The following PCDH15 variants were observed in gnomAD, a reference collection of about 807,000 sequenced individuals.
The protein encoded by PCDH15 is protocadherin-15.
In PCDH15, 129 loss-of-function variants were observed where a neutral mutation model predicts 178.5. That is an observed-to-expected ratio of 0.72 (90% confidence interval 0.63 to 0.84). The LOEUF is 0.84. Among genes scored for constraint, PCDH15 ranks in the 40% least tolerant of loss-of-function variants. PCDH15 has a pLI of 0.00. For missense variants in PCDH15, 2,230 were observed against 2,099.9 expected, an observed-to-expected ratio of 1.06 and a Z score of -1.21; for synonymous variants, 800 against 732.0, an observed-to-expected ratio of 1.09 and a Z score of -1.50.
intron 3 of PCDH15, among the ~76,000 whole-genome samples, chr10:54,385,032 G>T (rs1172755536): frequency 2.0e-5 from 3 of 152,078 alleles, no homozygotes; most frequent in African/African-American, 7.2e-5. Context: ...CATTTTTTGA[G>T]TTTCTGGTTG....
intron 2 of PCDH15, among the ~76,000 whole-genome samples, chr10:55,146,392 T>C (rs1321685732): frequency 6.6e-6 from 1 of 151,892 alleles, no homozygotes; most frequent in Non-Finnish European, 1.5e-5. Context: ...TAAAACCATC[T>C]TATGAGTCTG....
At chr10:55,569,777 A>C (rs1842371478) in intron 2 of PCDH15, among the ~76,000 whole-genome samples, 1 of 152,036 alleles carries the variant, frequency 6.6e-6, no homozygotes, top group Non-Finnish European at 1.5e-5. Context: ...TATGATATTT[A>C]ATGTAAACTC....
At chr10:55,306,139 C>T (rs1843419785) in intron 1 of PCDH15, among the ~76,000 whole-genome samples, 1 of 152,048 alleles carries the variant, frequency 6.6e-6, no homozygotes, top group Non-Finnish European at 1.5e-5. Flanking sequence ...CTATCAATTT[C>T]CAAAATCAAT....
chr10:55,373,920 A>G (rs1565071130), intron 2 of PCDH15, among the ~76,000 whole-genome samples: 1 of 149,884 alleles, frequency 6.7e-6, no homozygotes, highest in Non-Finnish European at 1.5e-5. Flanking sequence ...GGAGGGGAAC[A>G]TCACACACCG....
intron 2 of PCDH15, among the ~76,000 whole-genome samples, chr10:55,581,150 A>T (rs1842606641): frequency 1.3e-5 from 2 of 152,152 alleles, no homozygotes; most frequent in East Asian, 3.9e-4. Flanking sequence ...CCATATATAG[A>T]GTCAGCAGTG....
At chr10:54,413,871 T>A (rs558222003) in intron 3 of PCDH15, among the ~76,000 whole-genome samples, 2 of 152,144 alleles carry the variant, frequency 1.3e-5, no homozygotes, top group African/African-American at 4.8e-5. Flanking sequence ...CTTAGAAGAA[T>A]GGGAGGGTGG....
At chr10:54,946,983 T>C (rs149361265) in intron 2 of PCDH15, among the ~76,000 whole-genome samples, 38 of 152,060 alleles carry the variant, frequency 2.5e-4, no homozygotes, top group African/African-American at 8.2e-4. Flanking sequence ...CCAAGCTATC[T>C]TCTAAAACAC....
chr10:55,142,115 G>C, intron 2 of PCDH15, among the ~76,000 whole-genome samples: 1 of 152,142 alleles, frequency 6.6e-6, no homozygotes, highest in South Asian at 2.1e-4. Context: ...AGTAATGAAT[G>C]TGAAAGCAAA....
chr10:55,210,632 T>A (rs1313756373), intron 1 of PCDH15, among the ~76,000 whole-genome samples: 1 of 125,842 alleles, frequency 7.9e-6, no homozygotes. Flanking sequence ...TTTTTTTTTT[T>A]TTTTTTTTTT....
intron 3 of PCDH15, among the ~76,000 whole-genome samples, chr10:54,524,559 C>G (rs1046055285): frequency 1.3e-5 from 2 of 152,152 alleles, no homozygotes; most frequent in Non-Finnish European, 2.9e-5. Flanking sequence ...GTAACTGTCC[C>G]CACCTCTCTT....
intron 2 of PCDH15, among the ~76,000 whole-genome samples, chr10:55,548,209 T>TAC (rs1554795825): frequency 4.4e-4 from 51 of 116,094 alleles, no homozygotes; most frequent in Middle Eastern, 9.0e-3. Context: ...AAATGCCTAA[T>TAC]GCACACACAC....
chr10:53,823,576 TGAA>T, intron 32 of PCDH15: 1 of 659,200 alleles, frequency 1.5e-6, no homozygotes, highest in Non-Finnish European at 2.8e-6. Flanking sequence ...GAAATGTAAA[TGAA>T]AAAAAAAGTA....
chr10:54,003,953 G>A (rs2092285170), intron 20 of PCDH15, among the ~76,000 whole-genome samples: 3 of 151,932 alleles, frequency 2.0e-5, no homozygotes, highest in African/African-American at 4.8e-5. Context: ...GACCAAATAA[G>A]ATTTATCTCA....
chr10:55,429,235 A>C (rs11004852), intron 2 of PCDH15, among the ~76,000 whole-genome samples: 78,178 of 151,948 alleles, frequency 0.51, 21,133 homozygotes, highest in African/African-American at 0.64. Context: ...GCACAAAGGA[A>C]ATTTTAAGCA....
chr10:54,780,819 T>A (rs1443566810), intron 1 of PCDH15, among the ~76,000 whole-genome samples: 1 of 151,920 alleles, frequency 6.6e-6, no homozygotes, highest in African/African-American at 2.4e-5. Context: ...ATTTGGTAGC[T>A]TCCTTAATCA....
chr10:54,085,558 T>A (rs1937647230), intron 16 of PCDH15, among the ~76,000 whole-genome samples: 1 of 152,268 alleles, frequency 6.6e-6, no homozygotes, highest in South Asian at 2.1e-4. Flanking sequence ...TATGCCACTA[T>A]CAAGACAGAC....
intron 2 of PCDH15, among the ~76,000 whole-genome samples, chr10:55,054,123 C>A (rs1189585451): frequency 6.6e-6 from 1 of 152,140 alleles, no homozygotes; most frequent in East Asian, 1.9e-4. Context: ...TGATCCTTTT[C>A]TTCTGTTGGA....
chr10:55,505,000 T>C (rs1840731020), intron 2 of PCDH15, among the ~76,000 whole-genome samples: 2 of 151,440 alleles, frequency 1.3e-5, no homozygotes, highest in Non-Finnish European at 3.0e-5. Flanking sequence ...AATAGGAGTT[T>C]GTCATAAGAG....
chr10:54,333,549 T>C (rs1360166742), intron 6 of PCDH15, among the ~76,000 whole-genome samples: 1 of 123,322 alleles, frequency 8.1e-6, no homozygotes, highest in East Asian at 2.0e-4. Flanking sequence ...TTCTGAAGTG[T>C]TTACCTAAAA....
Sources: allele counts gnomAD v4.1 joint callset (sites outside exome capture counted in the v4.1 genomes callset), GRCh38; gene constraint gnomAD v4.1.1; transcripts MANE v1.5; gene names NCBI Gene and HGNC (gene_info 2026-07-23, HGNC 2026-07-21).